AR: variants seen among roughly 807,000 people sequenced by gnomAD.
The protein encoded by AR is androgen receptor.
AR carries 8 observed loss-of-function variants against 53.9 expected under a neutral mutation model. The ratio of observed to expected loss-of-function variants is 0.15; its 90% confidence interval spans 0.09 to 0.27. AR has a LOEUF of 0.27. Among genes scored for constraint, AR ranks in the 10% least tolerant of loss-of-function variants. The pLI is 1.00. For missense variants in AR, 639 were observed against 742.5 expected, an observed-to-expected ratio of 0.86 and a Z score of 1.62; for synonymous variants, 359 against 316.4, an observed-to-expected ratio of 1.13 and a Z score of -1.43.
chrX:67,679,822 C>T (rs1056133831), intron 2 of AR, among the ~76,000 whole-genome samples: 1 of 111,516 alleles, frequency 9.0e-6, no homozygotes, highest in Non-Finnish European at 1.9e-5. Context: ...GTTTTACATA[C>T]TTGATGCTAA....
In AR at chrX:67,568,845, C is replaced by T. The variant is rs370443026; in HGVS notation, c.1616+22083C>T. On this transcript the variant is annotated intron_variant, in intron 1 of 7. Transcript: ENST00000374690. ...TTGCTCTCTTCTCCAGTAGGTGCTG[C>T]GAGCAGAGAGGGATTCCTCGGAGGT... 9 of 1,146,872 alleles carry T rather than the reference C, an allele frequency of 7.8e-6. No individual in the cohort carries two copies. In the East Asian group the frequency reaches 9.2e-5, roughly 12 times the overall value. 94.5% of individuals were successfully genotyped at this position (1,146,872 alleles called of 1,213,427 possible).
At chrX:67,693,756 C>A (rs889063402) in intron 3 of AR, among the ~76,000 whole-genome samples, 4 of 111,791 alleles carry the variant, frequency 3.6e-5, no homozygotes, top group African/African-American at 1.3e-4. Context: ...GCATCGCTAT[C>A]CTGCATCACC....
rs187857459 is a variant in AR, at chrX:67,586,303, A to C, written c.1616+39541A>C. ...CATACACATATCCTGTGCTTCAGTC[A>C]CACAGAACTTCTTACTATTTCATTT... On this transcript the variant is annotated intron_variant, in intron 1 of 7. Coordinates refer to ENST00000374690, the MANE Select transcript of AR (RefSeq NM_000044.6). Among the ~76,000 whole-genome samples the C allele has an allele frequency of 9.8e-5, 11 of 111,756 alleles. No homozygotes were observed. In the East Asian group the frequency reaches 3.1e-3, roughly 32 times the overall value.
chrX:67,619,024 A>G (rs1035900555), intron 1 of AR, among the ~76,000 whole-genome samples: 1 of 111,684 alleles, frequency 9.0e-6, no homozygotes, highest in Non-Finnish European at 1.9e-5. Context: ...AAAATTACAG[A>G]TTCTCAGGTC....
At chrX:67,700,176 G>T (rs2076036752) in intron 3 of AR, among the ~76,000 whole-genome samples, 1 of 111,673 alleles carries the variant, frequency 9.0e-6, no homozygotes, top group African/African-American at 3.3e-5. Flanking sequence ...ACAGGGCAGA[G>T]ATAGTGAACT....
chrX:67,645,616 T>C (rs1200335323), intron 2 of AR, among the ~76,000 whole-genome samples: 1 of 111,219 alleles, frequency 9.0e-6, no homozygotes, highest in African/African-American at 3.3e-5. Flanking sequence ...CAGCAATGGA[T>C]TCCTTGAAAA....
At chrX:67,629,887 C>T (rs1311999867) in intron 1 of AR, among the ~76,000 whole-genome samples, 6 of 111,018 alleles carry the variant, frequency 5.4e-5, no homozygotes, top group South Asian at 7.6e-4. Flanking sequence ...GCCTTCATTT[C>T]GTTATGTACC....
At chrX:67,646,634 A>G (rs1332612923) in intron 2 of AR, among the ~76,000 whole-genome samples, 1 of 110,787 alleles carries the variant, frequency 9.0e-6, no homozygotes, top group African/African-American at 3.3e-5. Context: ...GGCAATACAC[A>G]TAAACAGAGG....
At chrX:67,688,466 G>A (rs1338508519) in intron 3 of AR, among the ~76,000 whole-genome samples, 2 of 111,489 alleles carry the variant, frequency 1.8e-5, no homozygotes, top group Non-Finnish European at 3.8e-5. Flanking sequence ...ATATGACATT[G>A]AGGTCACTAG....
intron 3 of AR, among the ~76,000 whole-genome samples, chrX:67,688,531 T>C (rs1317111822): frequency 2.7e-5 from 3 of 111,655 alleles, no homozygotes; most frequent in Admixed American, 1.9e-4. Context: ...TTACCCTAAG[T>C]AACTTGGTAT....
chrX:67,679,576 C>A (rs1010744831), intron 2 of AR, among the ~76,000 whole-genome samples: 2 of 111,725 alleles, frequency 1.8e-5, no homozygotes, highest in Admixed American at 1.9e-4. Flanking sequence ...GGCAAAATTT[C>A]TCTCTAAAGT....
intron 1 of AR, among the ~76,000 whole-genome samples, chrX:67,569,441 T>C (rs1325596202): frequency 1.8e-5 from 2 of 111,091 alleles, no homozygotes; most frequent in South Asian, 3.8e-4. Flanking sequence ...TGTACCAGGG[T>C]ATGTGTGTCT....
At chrX:67,705,484 C>T (rs1473818317) in intron 3 of AR, among the ~76,000 whole-genome samples, 7 of 111,479 alleles carry the variant, frequency 6.3e-5, no homozygotes, top group African/African-American at 2.0e-4. Context: ...GTGATTTTTG[C>T]ACATTGATTT....
At chrX:67,653,658 T>C (rs749789725) in intron 2 of AR, among the ~76,000 whole-genome samples, 7 of 111,327 alleles carry the variant, frequency 6.3e-5, no homozygotes, top group Non-Finnish European at 1.1e-4. Context: ...CTTTGTACCT[T>C]GCTCCCTCCG....
rs533784386 is a variant in AR at position 67,546,172 on chromosome X, G to A, written c.1026G>A (p.Pro342=). The change falls in exon 1 of 8, where the codon CCG becomes CCA. Residue 342 remains proline (P), a synonymous_variant. Coordinates refer to ENST00000374690, the MANE Select transcript of AR (RefSeq NM_000044.6). ...AAGSSGTLEL[P]STLSLYKSGA... ...GGAGCTCCGGGACACTTGAACTGCC[G>A]TCTACCCTGTCTCTCTACAAGTCCG... The A allele has an allele frequency of 1.7e-6, 2 of 1,211,936 alleles. No individual in the cohort carries two copies. Among genetic ancestry groups the A allele is most frequent in the South Asian group, 1.8e-5 (1 of 56,990 alleles).
intron 1 of AR, among the ~76,000 whole-genome samples, chrX:67,616,048 C>T (rs1281013765): frequency 1.8e-5 from 2 of 111,088 alleles, no homozygotes; most frequent in Non-Finnish European, 3.8e-5. Flanking sequence ...TTATAACCTA[C>T]TGGAACTAAG....
chrX:67,591,477 T>G (rs1263968307), intron 1 of AR, among the ~76,000 whole-genome samples: 1 of 111,789 alleles, frequency 8.9e-6, no homozygotes, highest in Non-Finnish European at 1.9e-5. Context: ...GCAGCAGGCT[T>G]GGTTCCCTTC....
chrX:67,683,493 A>G (rs1032611271), intron 2 of AR, among the ~76,000 whole-genome samples: 8 of 112,158 alleles, frequency 7.1e-5, no homozygotes, highest in African/African-American at 2.6e-4. Context: ...TTCCAGTCCA[A>G]TCTATCTCAT....
intron 6 of AR, 114 bp from the exon 7 acceptor site, chrX:67,722,713 G>T: frequency 2.2e-6 from 2 of 921,458 alleles, no homozygotes; most frequent in South Asian, 2.1e-5. Context: ...AAGCCAAGTA[G>T]ATGGTTCCCT....
Sources: allele counts gnomAD v4.1 joint callset (sites outside exome capture counted in the v4.1 genomes callset), GRCh38; gene constraint gnomAD v4.1.1; transcripts MANE v1.5; gene names NCBI Gene and HGNC (gene_info 2026-07-23, HGNC 2026-07-21).